SLC35G2: variants seen among roughly 807,000 people sequenced by gnomAD.
The protein encoded by SLC35G2 is solute carrier family 35 member G2.
Under a neutral mutation model 27.2 loss-of-function variants are expected in SLC35G2, and 20 were observed. That is an observed-to-expected ratio of 0.74 (90% CI 0.52 to 1.07). SLC35G2 has a LOEUF of 1.07. SLC35G2 is among the 50% of genes least tolerant of loss of function. The probability of loss-of-function intolerance (pLI) is 0.00; values close to 1 mark genes in which losing one functional copy is unlikely to be tolerated. For missense variants in SLC35G2, 416 were observed against 493.3 expected, an observed-to-expected ratio of 0.84 and a Z score of 1.48; for synonymous variants, 148 against 165.3, an observed-to-expected ratio of 0.90 and a Z score of 0.80.
At chr3:136,826,408 A>G (rs947295455) in intron 1 of SLC35G2, among the ~76,000 whole-genome samples, 4 of 152,144 alleles carry the variant, frequency 2.6e-5, no homozygotes, top group Non-Finnish European at 5.9e-5. Flanking sequence ...TCAACATACA[A>G]AAATCAGTAG....
chr3:136,852,222 CAGG>C (rs989899685), intron 1 of SLC35G2, among the ~76,000 whole-genome samples: 3 of 79,692 alleles, frequency 3.8e-5, no homozygotes, highest in African/African-American at 1.2e-4. Flanking sequence ...TAGTGGTGTG[CAGG>C]AAGAAGGACT....
chr3:136,835,293 G>T (rs1228195879), intron 1 of SLC35G2, among the ~76,000 whole-genome samples: 1 of 143,682 alleles, frequency 7.0e-6, no homozygotes, highest in Non-Finnish European at 1.5e-5. Flanking sequence ...ACATTTTTGA[G>T]TTCAGGCCTT....
Position 136,823,661 on chromosome 3 carries a change from T to G in SLC35G2, c.-19+4033T>G, listed in dbSNP as rs558208747. Among the ~76,000 whole-genome samples the G allele has an allele frequency of 9.2e-5, 14 of 152,198 alleles. 1 individual carries two copies. The South Asian group carries it at 2.9e-3, about 31-fold the overall frequency. On this transcript the variant is annotated intron_variant, in intron 1 of 1. Coordinates refer to ENST00000446465, the MANE Select transcript of SLC35G2 (RefSeq NM_025246.3). ...GAGTGCAGTGAGTGCAGTGGCTTGA[T>G]CTCTGCTCACTGCAACCGCCGCCTC...
chr3:136,844,045 G>C (rs1305861604), intron 1 of SLC35G2, among the ~76,000 whole-genome samples: 1 of 152,178 alleles, frequency 6.6e-6, no homozygotes, highest in Non-Finnish European at 1.5e-5. Flanking sequence ...GAGGTGGACA[G>C]GCTGTGCAAG....
At position 136,844,269 on chromosome 3, in the gene SLC35G2, C is replaced by T. The variant is rs1937252059; in HGVS notation, c.-18-10174C>T. On this transcript the variant is annotated intron_variant, in intron 1 of 1. Coordinates refer to ENST00000446465, the MANE Select transcript of SLC35G2 (RefSeq NM_025246.3). Reference sequence around the variant, plus strand: ...CTTTGGGAGGCCGAGGCGGGCGGATCATGAGGTAAGGAGATCGAGACCATC... The same window carrying T: ...CTTTGGGAGGCCGAGGCGGGCGGATTATGAGGTAAGGAGATCGAGACCATC... Among the ~76,000 whole-genome samples the T allele has an allele frequency of 2.0e-5, 3 of 149,830 alleles. No individual in the cohort carries two copies. The South Asian group carries it at 6.4e-4, about 32-fold the overall frequency.
At chr3:136,853,626 C>T (rs1254436280) in intron 1 of SLC35G2, among the ~76,000 whole-genome samples, 1 of 152,160 alleles carries the variant, frequency 6.6e-6, no homozygotes, top group Non-Finnish European at 1.5e-5. Flanking sequence ...TCTTGTTCCT[C>T]CTGTCACCTG....
rs1936719626 is a variant in SLC35G2 at position 136,831,104 on chromosome 3, G to A, written c.-19+11476G>A. On this transcript the variant is annotated intron_variant, in intron 1 of 1. Coordinates refer to ENST00000446465, the MANE Select transcript of SLC35G2 (RefSeq NM_025246.3). ...TAATTTCCCATTTATTTTGCCTCTG[G>A]TTTCTGTGTAACTCTGGCTGGCCAC... Among the ~76,000 whole-genome samples, 3 of 152,274 alleles carry A rather than the reference G, an allele frequency of 2.0e-5. No homozygotes were observed. The South Asian group carries it at 6.2e-4, about 32-fold the overall frequency.
chr3:136,821,464 T>A (rs1411043821), intron 1 of SLC35G2, among the ~76,000 whole-genome samples: 1 of 152,184 alleles, frequency 6.6e-6, no homozygotes, highest in African/African-American at 2.4e-5. Flanking sequence ...AAATTTTTTT[T>A]TGAGACATTG....
intron 1 of SLC35G2, among the ~76,000 whole-genome samples, chr3:136,851,870 A>G (rs1386391399): frequency 1.3e-5 from 2 of 152,210 alleles, no homozygotes; most frequent in Non-Finnish European, 2.9e-5. Flanking sequence ...GCTAGTTAGG[A>G]TGCTGTTGCA....
chr3:136,845,015 C>G (rs966049471), intron 1 of SLC35G2, among the ~76,000 whole-genome samples: 1 of 151,854 alleles, frequency 6.6e-6, no homozygotes, highest in Non-Finnish European at 1.5e-5. Context: ...CTTGTTGGTT[C>G]CATATTAACT....
At chr3:136,824,195 G>A (rs1182585785) in intron 1 of SLC35G2, among the ~76,000 whole-genome samples, 1 of 151,930 alleles carries the variant, frequency 6.6e-6, no homozygotes, top group African/African-American at 2.4e-5. Flanking sequence ...GATAACTTTG[G>A]CTATTCTGGG....
intron 1 of SLC35G2, chr3:136,842,484 G>GT (rs1937140932): frequency 6.6e-6 from 1 of 152,228 alleles, no homozygotes; most frequent in African/African-American, 2.4e-5. Context: ...CCTGGGGCCA[G>GT]TATAGAGTTC....
intron 1 of SLC35G2, among the ~76,000 whole-genome samples, chr3:136,827,573 T>C (rs141258778): frequency 3.3e-5 from 5 of 152,300 alleles, no homozygotes; most frequent in African/African-American, 1.2e-4. Flanking sequence ...GTTTTTCCTC[T>C]TTTTTTGATG....
intron 1 of SLC35G2, among the ~76,000 whole-genome samples, chr3:136,850,956 G>A (rs567251014): frequency 5.5e-4 from 83 of 152,268 alleles, no homozygotes; most frequent in African/African-American, 1.8e-3. Flanking sequence ...CTGCACTCCA[G>A]CCTGCGCAAC....
At chr3:136,843,957 T>C (rs924827392) in intron 1 of SLC35G2, among the ~76,000 whole-genome samples, 5 of 150,846 alleles carry the variant, frequency 3.3e-5, no homozygotes, top group African/African-American at 4.9e-5. Context: ...AAAATCAGAG[T>C]TCTGAGTGAA....
chr3:136,846,779 C>G (rs1440355225), intron 1 of SLC35G2, among the ~76,000 whole-genome samples: 1 of 152,190 alleles, frequency 6.6e-6, no homozygotes, highest in African/African-American at 2.4e-5. Flanking sequence ...AAATTATCAT[C>G]CAAAACACTT....
At chr3:136,830,711 G>C (rs940399686) in intron 1 of SLC35G2, among the ~76,000 whole-genome samples, 9 of 152,176 alleles carry the variant, frequency 5.9e-5, no homozygotes, top group Admixed American at 4.6e-4. Flanking sequence ...ACTGTACACA[G>C]CCCACATCAT....
intron 1 of SLC35G2, among the ~76,000 whole-genome samples, chr3:136,849,771 G>T (rs1937564474): frequency 6.6e-6 from 1 of 151,444 alleles, no homozygotes; most frequent in African/African-American, 2.4e-5. Flanking sequence ...GGAATTACAG[G>T]CATGAGCCAC....
At chr3:136,829,327 T>G (rs1000532770) in intron 1 of SLC35G2, among the ~76,000 whole-genome samples, 3 of 152,218 alleles carry the variant, frequency 2.0e-5, no homozygotes, top group African/African-American at 7.2e-5. Context: ...GTTCAAGCGA[T>G]TCTCCTGCCT....
Sources: gnomAD v4.1 joint callset for allele counts (sites outside exome capture counted in the v4.1 genomes callset) on GRCh38, gnomAD v4.1.1 for gene constraint, MANE v1.5 for transcripts, NCBI Gene and HGNC (gene_info 2026-07-23, HGNC 2026-07-21) for gene names.